The following MAGI1 variants were observed in gnomAD, a reference collection of about 807,000 sequenced individuals.
MAGI1 encodes the protein membrane-associated guanylate kinase, WW and PDZ domain-containing protein 1.
A neutral mutation model predicts 139.9 loss-of-function variants in MAGI1; 58 were observed. The ratio of observed to expected loss-of-function variants is 0.41; its 90% CI spans 0.34 to 0.52. The LOEUF is 0.52. MAGI1 is among the 20% of genes least tolerant of loss of function. The pLI is 0.12. For synonymous variants in MAGI1, 812 were observed against 737.9 expected (o/e 1.10, Z -1.63); for missense variants, 1,874 against 1,901.6 (o/e 0.99, Z 0.27).
intron 1 of MAGI1, among the ~76,000 whole-genome samples, chr3:65,677,890 C>T (rs1031449098): frequency 2.0e-5 from 3 of 152,218 alleles, no homozygotes; most frequent in African/African-American, 7.2e-5. Context: ...AGCCACTTCA[C>T]TGTTCACAAA....
chr3:65,861,108 G>A (rs1420083343), intron 1 of MAGI1, among the ~76,000 whole-genome samples: 2 of 152,104 alleles, frequency 1.3e-5, no homozygotes, highest in Admixed American at 6.5e-5. Context: ...TGGGGCCAGG[G>A]ACACACTCAA....
At chr3:65,818,383 G>C (rs900081159) in intron 1 of MAGI1, among the ~76,000 whole-genome samples, 3 of 152,170 alleles carry the variant, frequency 2.0e-5, no homozygotes, top group African/African-American at 7.2e-5. Flanking sequence ...ACAGCATCTA[G>C]ATTTACAGCT....
In MAGI1 at chr3:65,382,087, G is replaced by C. The variant is rs781602425; in HGVS notation, c.2509-18C>G. ...ATATAAATCTGTTGAGTAATTGAACGATGGATGAAACATTGCTCTCCTATG... is the reference window on the plus strand; with the variant it reads ...ATATAAATCTGTTGAGTAATTGAACCATGGATGAAACATTGCTCTCCTATG... On this transcript the variant is annotated intron_variant, in intron 15 of 22. Coordinates refer to ENST00000402939, the MANE Select transcript of MAGI1 (RefSeq NM_001033057.2). 2.9e-5 allele frequency: 46 copies of C among 1,578,376 alleles called. No homozygotes were observed. Among genetic ancestry groups the C allele is most frequent in the Non-Finnish European group, 3.9e-5 (45 of 1,156,242 alleles).
chr3:65,785,300 T>C (rs1424421474), intron 1 of MAGI1, among the ~76,000 whole-genome samples: 1 of 152,314 alleles, frequency 6.6e-6, no homozygotes, highest in East Asian at 1.9e-4. Flanking sequence ...GTGTCTAACA[T>C]ACAGGGGTCC....
intron 2 of MAGI1, among the ~76,000 whole-genome samples, chr3:65,511,437 T>A (rs1343078655): frequency 0.1 from 6,767 of 67,262 alleles, no homozygotes; most frequent in Non-Finnish European, 0.12. Context: ...ACACATAGGC[T>A]CAAAATAAAA....
intron 1 of MAGI1, among the ~76,000 whole-genome samples, chr3:65,932,266 CT>C (rs2062838997): frequency 6.6e-6 from 1 of 152,120 alleles, no homozygotes; most frequent in Admixed American, 6.6e-5. Context: ...GGATTATGTT[CT>C]TTTCAAATTA....
chr3:65,790,457 C>T (rs954209064), intron 1 of MAGI1, among the ~76,000 whole-genome samples: 1 of 152,176 alleles, frequency 6.6e-6, no homozygotes, highest in Non-Finnish European at 1.5e-5. Flanking sequence ...AATCCAACCC[C>T]TTTGAAGTCC....
intron 2 of MAGI1, among the ~76,000 whole-genome samples, chr3:65,502,180 A>G (rs1239293487): frequency 6.6e-6 from 1 of 152,196 alleles, no homozygotes; most frequent in Non-Finnish European, 1.5e-5. Context: ...AAAAGGAAAC[A>G]TTTAGCTTTA....
In MAGI1 at chr3:65,784,675, AGCCT is replaced by A. The variant is rs377609730; in HGVS notation, c.314-162591_314-162588del. On this transcript the variant is annotated intron_variant, in intron 1 of 22. Coordinates refer to ENST00000402939, the MANE Select transcript of MAGI1 (RefSeq NM_001033057.2). ...AGCCGAGATCGCGCCACTGCACTCC[AGCCT>A]GGGCGACAGAGCGAGACTCCGTCTC... Among the ~76,000 whole-genome samples, 378 of 152,300 alleles carry A rather than the reference AGCCT, an allele frequency of 2.5e-3. 4 individuals are homozygous for A. The highest frequency in any genetic ancestry group is 8.6e-3 in the African/African-American group (359 of 41,570).
At chr3:65,496,563 T>C (rs978610969) in intron 2 of MAGI1, among the ~76,000 whole-genome samples, 6 of 152,162 alleles carry the variant, frequency 3.9e-5, no homozygotes, top group Non-Finnish European at 5.9e-5. Flanking sequence ...GCATAGTCCA[T>C]AGAACAGACA....
At chr3:65,741,237 C>T (rs1347829191) in intron 1 of MAGI1, among the ~76,000 whole-genome samples, 2 of 151,670 alleles carry the variant, frequency 1.3e-5, no homozygotes, top group Non-Finnish European at 1.5e-5. Context: ...TGCAGTGGCG[C>T]GATCTCGGCT....
intron 1 of MAGI1, among the ~76,000 whole-genome samples, chr3:65,848,659 T>C (rs969676370): frequency 2.6e-5 from 4 of 152,072 alleles, no homozygotes; most frequent in African/African-American, 7.2e-5. Flanking sequence ...AATTAAGAGA[T>C]GAAAAACCTA....
chr3:65,994,134 C>T lies in MAGI1; in HGVS notation c.313+43862G>A, dbSNP rs1034692885. 2.0e-5 allele frequency among the ~76,000 whole-genome samples: 3 copies of T among 151,878 alleles called. No individual in the cohort carries two copies. The East Asian group carries it at 5.8e-4, about 30-fold the overall frequency. On this transcript the variant is annotated intron_variant, in intron 1 of 22. Coordinates refer to ENST00000402939, the MANE Select transcript of MAGI1 (RefSeq NM_001033057.2). Reference sequence around the variant, plus strand: ...ACTAAAAATACAAAAATTAGCCAGGCGTGGTGGTGGGTGCCTGTAATCCTA... The same window carrying T: ...ACTAAAAATACAAAAATTAGCCAGGTGTGGTGGTGGGTGCCTGTAATCCTA...
Position 65,382,077 on chromosome 3 carries a change from G to A in MAGI1, c.2509-8C>T, listed in dbSNP as rs1319188845. The A allele has an allele frequency of 3.8e-6, 6 of 1,591,038 alleles. No homozygotes were observed. In the African/African-American group the frequency reaches 5.4e-5, roughly 14 times the overall value. ...GATGTGACCAATATAAATCTGTTGA[G>A]TAATTGAACGATGGATGAAACATTG... On this transcript the variant is annotated splice_polypyrimidine_tract_variant and splice_region_variant and intron_variant, in intron 15 of 22. Transcript: ENST00000402939.
At chr3:65,566,239 G>A (rs748916496) in intron 2 of MAGI1, among the ~76,000 whole-genome samples, 10 of 151,446 alleles carry the variant, frequency 6.6e-5, no homozygotes, top group Non-Finnish European at 1.3e-4. Flanking sequence ...GGGCAACAGA[G>A]CAAGACTCTG....
chr3:65,715,061 A>G (rs2032056665), intron 1 of MAGI1, among the ~76,000 whole-genome samples: 3 of 152,148 alleles, frequency 2.0e-5, no homozygotes, highest in Admixed American at 1.3e-4. Flanking sequence ...CCAAAGAATC[A>G]TACAAAAAAA....
chr3:65,680,123 G>A (rs531382932), intron 1 of MAGI1, among the ~76,000 whole-genome samples: 5 of 152,208 alleles, frequency 3.3e-5, no homozygotes, highest in South Asian at 2.1e-4. Flanking sequence ...AGGCCTTACC[G>A]CTCTCACTTT....
At chr3:65,737,950 AT>A (rs766955228) in intron 1 of MAGI1, among the ~76,000 whole-genome samples, 11 of 152,172 alleles carry the variant, frequency 7.2e-5, no homozygotes, top group South Asian at 2.1e-4. Context: ...CAGATTCCAC[AT>A]TCCCTTACAA....
At chr3:65,836,679 C>T (rs1397938393) in intron 1 of MAGI1, among the ~76,000 whole-genome samples, 4 of 151,888 alleles carry the variant, frequency 2.6e-5, no homozygotes, top group African/African-American at 7.3e-5. Context: ...ATTAGCTGGG[C>T]GTGGTGGTGG....
Sources: gnomAD v4.1 joint callset for allele counts (sites outside exome capture counted in the v4.1 genomes callset) on GRCh38, gnomAD v4.1.1 for gene constraint, MANE v1.5 for transcripts, NCBI Gene and HGNC (gene_info 2026-07-23, HGNC 2026-07-21) for gene names.